The following CENPQ variants were observed in gnomAD, a reference collection of about 807,000 sequenced individuals.
CENPQ encodes chromosome 6 open reading frame 139.
Under a neutral mutation model 36.6 loss-of-function variants are expected in CENPQ, and 27 were observed. That is an observed-to-expected ratio of 0.74 (90% confidence interval 0.54 to 1.02). CENPQ has a LOEUF of 1.02. Ranked by LOEUF, CENPQ falls within the 50% of genes least tolerant of loss-of-function variation. The pLI, the probability that CENPQ is intolerant of heterozygous loss-of-function variation, is 0.00. For missense variants in CENPQ, 306 were observed against 301.8 expected (o/e 1.01, Z -0.10); for synonymous variants, 101 against 101.7 (o/e 0.99, Z 0.04).
In CENPQ at chr6:49,472,120, C is replaced by T. The variant is rs1554162255; in HGVS notation, c.215C>T (p.Thr72Ile). 2 of 1,612,664 alleles carry T rather than the reference C, an allele frequency of 1.2e-6. No homozygotes were observed. The highest frequency in any genetic ancestry group is 2.2e-5 in the South Asian group (2 of 90,854). ...HGKTAASKRK[T>I]WQPLSKSTRD... ...AAGACAGCAGCCAGCAAGAGAAAAA[C>T]CTGGCAACCTCTGTCAAAGAGTACC... The change falls in exon 4 of 9, where the codon ACC becomes ATC. Residue 72 changes from threonine to isoleucine, a missense_variant. Coordinates refer to ENST00000335783, the MANE Select transcript of CENPQ (RefSeq NM_018132.4).
chr6:49,471,007 C>A lies in CENPQ; in HGVS notation c.136C>A (p.Leu46Met). The A allele has an allele frequency of 6.5e-7, 1 of 1,529,252 alleles. No homozygotes were observed. Among genetic ancestry groups the A allele is most frequent in the South Asian group, 1.3e-5 (1 of 77,878 alleles). 94.7% of individuals were successfully genotyped at this position (1,529,252 alleles called of 1,614,324 possible). A position where few individuals can be genotyped will look rare whatever the true frequency, so the allele number is the denominator to read the frequency against. Residue 46 changes from leucine (L) to methionine (M), a missense_variant, in exon 3 of 9, where the codon CTG (leucine) becomes ATG (methionine). Coordinates refer to ENST00000335783, the MANE Select transcript of CENPQ (RefSeq NM_018132.4). Reference protein sequence around the residue: ...RNTVKKNKNHLKDLSSEGQTK... With the variant: ...RNTVKKNKNHMKDLSSEGQTK... ...CACAGTGAAAAAAAATAAAAATCAT[C>A]TGAAAGATCTGTCTTCTGAAGGTAT...
intron 5 of CENPQ, among the ~76,000 whole-genome samples, chr6:49,477,011 G>A (rs1214643468): frequency 7.2e-5 from 11 of 152,188 alleles, no homozygotes; most frequent in Non-Finnish European, 1.5e-5. Flanking sequence ...AGACAGTGTG[G>A]CGATTCCTCA....
At chr6:49,483,034 C>A (rs1768480419) in intron 6 of CENPQ, among the ~76,000 whole-genome samples, 1 of 152,140 alleles carries the variant, frequency 6.6e-6, no homozygotes, top group African/African-American at 2.4e-5. Flanking sequence ...CTGGCTCAGG[C>A]AGCCTGCTTT....
At chr6:49,481,887 T>G (rs1269013381) in intron 6 of CENPQ, among the ~76,000 whole-genome samples, 1 of 152,010 alleles carries the variant, frequency 6.6e-6, no homozygotes, top group Admixed American at 6.5e-5. Flanking sequence ...GCAGCACTCA[T>G]CGGGGAGGCT....
intron 6 of CENPQ, among the ~76,000 whole-genome samples, chr6:49,486,266 A>G (rs1768576421): frequency 6.6e-6 from 1 of 152,202 alleles, no homozygotes; most frequent in African/African-American, 2.4e-5. Flanking sequence ...CCCTGCCAAC[A>G]CCTTGATTTT....
intron 1 of CENPQ, among the ~76,000 whole-genome samples, chr6:49,467,450 GTA>G (rs1363727401): frequency 6.6e-6 from 1 of 152,104 alleles, no homozygotes; most frequent in Non-Finnish European, 1.5e-5. Flanking sequence ...AGAAGTTTCT[GTA>G]TGTTTTGCTC....
chr6:49,482,241 G>A (rs929981204), intron 6 of CENPQ, among the ~76,000 whole-genome samples: 17 of 152,298 alleles, frequency 1.1e-4, no homozygotes, highest in South Asian at 2.1e-4. Context: ...AGCCAGCTCC[G>A]GCCTTGGCCA....
At chr6:49,478,690 C>T (rs977744557) in intron 5 of CENPQ, among the ~76,000 whole-genome samples, 2 of 151,998 alleles carry the variant, frequency 1.3e-5, no homozygotes, top group Admixed American at 6.6e-5. Context: ...CTATTCTTGG[C>T]GTGATTTTGT....
chr6:49,479,611 G>C (rs551237748), intron 5 of CENPQ, among the ~76,000 whole-genome samples: 1 of 152,202 alleles, frequency 6.6e-6, no homozygotes, highest in East Asian at 1.9e-4. Flanking sequence ...ATCCAACCCA[G>C]CAATCCCATT....
At chr6:49,484,823 G>A (rs1768538101) in intron 6 of CENPQ, among the ~76,000 whole-genome samples, 1 of 152,074 alleles carries the variant, frequency 6.6e-6, no homozygotes, top group South Asian at 2.1e-4. Context: ...CATCTTTTCA[G>A]TATTGGCACT....
intron 1 of CENPQ, among the ~76,000 whole-genome samples, chr6:49,466,154 G>A (rs1767994537): frequency 6.6e-6 from 1 of 152,156 alleles, no homozygotes; most frequent in African/African-American, 2.4e-5. Context: ...GCCAGTTGGT[G>A]GAGCAGTCAA....
intron 8 of CENPQ, among the ~76,000 whole-genome samples, chr6:49,491,851 G>A (rs1182479248): frequency 6.6e-6 from 1 of 152,164 alleles, no homozygotes; most frequent in Non-Finnish European, 1.5e-5. Context: ...GGAGCTGGAG[G>A]TTGCAGTGAG....
intron 5 of CENPQ, among the ~76,000 whole-genome samples, chr6:49,475,758 C>A (rs909782402): frequency 1.3e-5 from 2 of 152,214 alleles, no homozygotes; most frequent in Non-Finnish European, 2.9e-5. Flanking sequence ...GCAAAAATCA[C>A]AAGCATTCTT....
At chr6:49,470,611 A>G (rs1386945375) in intron 2 of CENPQ, among the ~76,000 whole-genome samples, 1 of 130,960 alleles carries the variant, frequency 7.6e-6, no homozygotes, top group Non-Finnish European at 1.6e-5. Context: ...AAAAAGAGTG[A>G]GACTCCGTCT....
At chr6:49,476,907 A>G (rs1166585095) in intron 5 of CENPQ, among the ~76,000 whole-genome samples, 2 of 152,226 alleles carry the variant, frequency 1.3e-5, no homozygotes, top group Non-Finnish European at 2.9e-5. Context: ...GATCATTAAA[A>G]AGTCAGGAAA....
At chr6:49,481,108 A>C (rs775296682) in intron 6 of CENPQ, 28 bp downstream of exon 6, 5 of 1,558,146 alleles carry the variant, frequency 3.2e-6, no homozygotes, top group Non-Finnish European at 4.3e-6. Flanking sequence ...GGAATCCATA[A>C]TTAGAGAGTT....
chr6:49,475,173 A>C (rs1768253886), intron 5 of CENPQ, among the ~76,000 whole-genome samples: 2 of 152,228 alleles, frequency 1.3e-5, no homozygotes, highest in African/African-American at 2.4e-5. Flanking sequence ...ATTGATGCAG[A>C]AATCCTCAAT....
intron 6 of CENPQ, among the ~76,000 whole-genome samples, chr6:49,483,261 G>T (rs1312676909): frequency 6.6e-6 from 1 of 152,142 alleles, no homozygotes; most frequent in Non-Finnish European, 1.5e-5. Context: ...CAAACCTTGA[G>T]CTAGATACAG....
At chr6:49,483,855 G>C (rs1768515932) in intron 6 of CENPQ, among the ~76,000 whole-genome samples, 1 of 152,238 alleles carries the variant, frequency 6.6e-6, no homozygotes, top group African/African-American at 2.4e-5. Flanking sequence ...AGCCCAGAAA[G>C]GGGCTCCCAC....
Sources: gnomAD v4.1 joint callset for allele counts (sites outside exome capture counted in the v4.1 genomes callset) on GRCh38, gnomAD v4.1.1 for gene constraint, MANE v1.5 for transcripts, NCBI Gene and HGNC (gene_info 2026-07-23, HGNC 2026-07-21) for gene names.